WDR70: variants seen among roughly 807,000 people sequenced by gnomAD.
WDR70 encodes WD repeat-containing protein 70.
In WDR70, 53 loss-of-function variants were observed where a neutral mutation model predicts 88.6. The observed-to-expected ratio is 0.60, with a 90% CI of 0.48 to 0.75. The LOEUF (loss-of-function observed/expected upper bound fraction) is 0.75, where lower values mean the gene tolerates loss of function less well. WDR70 is among the 30% of genes least tolerant of loss of function. WDR70 has a pLI of 0.00. For synonymous variants in WDR70, 280 were observed against 270.0 expected, an observed-to-expected ratio of 1.04 and a Z score of -0.36; for missense variants, 610 against 823.2, an observed-to-expected ratio of 0.74 and a Z score of 3.17.
At chr5:37,737,352 C>G (rs1429736282) in intron 17 of WDR70, among the ~76,000 whole-genome samples, 1 of 152,094 alleles carries the variant, frequency 6.6e-6, no homozygotes, top group Admixed American at 6.6e-5. Flanking sequence ...CAGAATCAAG[C>G]CTATAACTGT....
intron 8 of WDR70, among the ~76,000 whole-genome samples, chr5:37,487,787 G>A (rs1488213101): frequency 1.3e-5 from 2 of 151,374 alleles, no homozygotes; most frequent in South Asian, 2.1e-4. Flanking sequence ...CACCACACCC[G>A]GCTAATTTTT....
At chr5:37,566,151 A>G (rs1256038952) in intron 9 of WDR70, among the ~76,000 whole-genome samples, 1 of 152,094 alleles carries the variant, frequency 6.6e-6, no homozygotes, top group Non-Finnish European at 1.5e-5. Context: ...GCAACCACTA[A>G]TTTACTCTGA....
intron 9 of WDR70, among the ~76,000 whole-genome samples, chr5:37,544,459 CT>C (rs1450488599): frequency 3.3e-5 from 5 of 152,128 alleles, no homozygotes; most frequent in African/African-American, 1.2e-4. Context: ...CTAGTAAATG[CT>C]TTTGATGATA....
chr5:37,392,176 AGTT>A, intron 4 of WDR70, 56 bp downstream of exon 4: 1 of 1,361,174 alleles, frequency 7.3e-7, no homozygotes, highest in African/African-American at 1.8e-5. Context: ...GTGTTTATAG[AGTT>A]TTTTTTTTTT....
Position 37,514,791 on chromosome 5 carries a change from G to A in WDR70, c.841-1723G>A, listed in dbSNP as rs1482647950. 2.6e-5 allele frequency among the ~76,000 whole-genome samples: 4 copies of A among 152,004 alleles called. No individual in the cohort carries two copies. In the South Asian group the frequency reaches 6.2e-4, roughly 24 times the overall value. On this transcript the variant is annotated intron_variant, in intron 8 of 17. Transcript: ENST00000265107. The stretch of plus-strand genomic sequence containing the variant: ...CAGCACTTTGGGAGGCGAGGCAAGC[G>A]GATCACTTGATCCCAGGAGTTCAAA...
At chr5:37,680,922 A>C (rs1301908109) in intron 10 of WDR70, among the ~76,000 whole-genome samples, 1 of 152,104 alleles carries the variant, frequency 6.6e-6, no homozygotes. Context: ...AATGGCTTTA[A>C]ATAATGTTAA....
At chr5:37,544,519 G>C (rs965355779) in intron 9 of WDR70, among the ~76,000 whole-genome samples, 2 of 152,138 alleles carry the variant, frequency 1.3e-5, no homozygotes, top group Non-Finnish European at 1.5e-5. Flanking sequence ...AGCTTCTAAA[G>C]ATGAATTATA....
At chr5:37,615,873 C>G (rs914124004) in intron 10 of WDR70, among the ~76,000 whole-genome samples, 1 of 152,140 alleles carries the variant, frequency 6.6e-6, no homozygotes, top group Admixed American at 6.5e-5. Context: ...CCCTCAATTG[C>G]GTCTCTCGCT....
chr5:37,418,522 G>A (rs966987650), intron 5 of WDR70, among the ~76,000 whole-genome samples: 13 of 152,028 alleles, frequency 8.6e-5, no homozygotes, highest in East Asian at 3.9e-4. Flanking sequence ...GGGTTTCACC[G>A]TGTTAGCCAG....
chr5:37,706,047 T>G (rs1011699105), intron 13 of WDR70, among the ~76,000 whole-genome samples: 5 of 152,244 alleles, frequency 3.3e-5, no homozygotes, highest in Admixed American at 1.3e-4. Context: ...ATGCAGTTAT[T>G]CCTTTTAACT....
chr5:37,732,490 G>C (rs1483731659), intron 17 of WDR70, among the ~76,000 whole-genome samples: 2 of 151,964 alleles, frequency 1.3e-5, no homozygotes, highest in Non-Finnish European at 2.9e-5. Flanking sequence ...TTTGGATGTA[G>C]GTATTTGCCC....
intron 9 of WDR70, among the ~76,000 whole-genome samples, chr5:37,576,778 T>C (rs1052003577): frequency 1.3e-4 from 18 of 143,190 alleles, no homozygotes; most frequent in Middle Eastern, 3.5e-3. Context: ...TTTTTTTTTT[T>C]CCTGTGGTTT....
chr5:37,665,072 TGTACTAAACA>T (rs1159476362), intron 10 of WDR70, among the ~76,000 whole-genome samples: 1 of 152,212 alleles, frequency 6.6e-6, no homozygotes, highest in African/African-American at 2.4e-5. Context: ...TTAGTCAAAT[TGTACTAAACA>T]GAGAAAAGAT....
At chr5:37,524,995 T>G (rs1741215085) in intron 9 of WDR70, among the ~76,000 whole-genome samples, 2 of 152,134 alleles carry the variant, frequency 1.3e-5, no homozygotes, top group Non-Finnish European at 2.9e-5. Context: ...CTTAGAGACC[T>G]ACAAAGAGAC....
At chr5:37,663,965 A>G (rs1380403380) in intron 10 of WDR70, among the ~76,000 whole-genome samples, 2 of 151,758 alleles carry the variant, frequency 1.3e-5, no homozygotes, top group African/African-American at 4.8e-5. Flanking sequence ...GCTTTCTCCA[A>G]CTCTAACTTT....
rs1749131985 is a variant in WDR70 at position 37,399,477 on chromosome 5, T to G, written c.492+2907T>G. 2.0e-5 allele frequency among the ~76,000 whole-genome samples: 3 copies of G among 152,220 alleles called. No individual in the cohort carries two copies. The South Asian group carries it at 6.2e-4, about 31-fold the overall frequency. On this transcript the variant is annotated intron_variant, in intron 5 of 17. Coordinates refer to ENST00000265107, the MANE Select transcript of WDR70 (RefSeq NM_018034.4). ...TACAGAAAATTCATTTTATATTTGG[T>G]AAAAACTTCTAAATTTTTTTCTCTA...
chr5:37,604,632 T>C (rs991440375), intron 9 of WDR70, among the ~76,000 whole-genome samples: 1 of 152,250 alleles, frequency 6.6e-6, no homozygotes, highest in Admixed American at 6.5e-5. Flanking sequence ...ATTCTTTTAA[T>C]GACTTATTTT....
At chr5:37,597,299 C>A (rs1164583219) in intron 9 of WDR70, among the ~76,000 whole-genome samples, 1 of 152,140 alleles carries the variant, frequency 6.6e-6, no homozygotes, top group Non-Finnish European at 1.5e-5. Flanking sequence ...TTCCATTTTG[C>A]ATTCCCACAA....
chr5:37,430,872 C>A (rs558151990), intron 5 of WDR70, among the ~76,000 whole-genome samples: 7 of 151,808 alleles, frequency 4.6e-5, no homozygotes, highest in South Asian at 2.1e-4. Context: ...TGTATGTATA[C>A]AGTTTTTTTT....
Sources: gnomAD v4.1 joint callset for allele counts (sites outside exome capture counted in the v4.1 genomes callset) on GRCh38, gnomAD v4.1.1 for gene constraint, MANE v1.5 for transcripts, NCBI Gene and HGNC (gene_info 2026-07-23, HGNC 2026-07-21) for gene names.